The following MTUS2 variants were observed in gnomAD, a reference collection of about 807,000 sequenced individuals.
MTUS2 encodes the protein microtubule associated scaffold protein 2.
A neutral mutation model predicts 114.1 loss-of-function variants in MTUS2; 40 were observed. That is an observed-to-expected ratio of 0.35 (90% CI 0.27 to 0.46). The LOEUF (loss-of-function observed/expected upper bound fraction) is 0.46, where lower values mean the gene tolerates loss of function less well. Ranked by LOEUF, MTUS2 falls within the 20% of genes least tolerant of loss-of-function variation. MTUS2 has a pLI of 1.00. For missense variants in MTUS2, 1,679 were observed against 1,705.4 expected (o/e 0.98, Z 0.27); for synonymous variants, 688 against 672.0 (o/e 1.02, Z -0.37).
chr13:29,463,237 C>T (rs1341571222), intron 9 of MTUS2, among the ~76,000 whole-genome samples: 1 of 152,158 alleles, frequency 6.6e-6, no homozygotes, highest in Non-Finnish European at 1.5e-5. Context: ...GAGCACACCC[C>T]TGCTGACACC....
At chr13:29,015,834 T>C (rs1886042093) in intron 2 of MTUS2, among the ~76,000 whole-genome samples, 1 of 152,178 alleles carries the variant, frequency 6.6e-6, no homozygotes, top group Non-Finnish European at 1.5e-5. Context: ...ACTCATTCCA[T>C]GTGTATAAAA....
intron 2 of MTUS2, among the ~76,000 whole-genome samples, chr13:28,876,601 A>G (rs562240191): frequency 6.6e-6 from 1 of 152,328 alleles, no homozygotes; most frequent in South Asian, 2.1e-4. Flanking sequence ...AAAAGTGTCC[A>G]TGAAAGTTAT....
chr13:29,216,049 G>T (rs530311582), intron 5 of MTUS2, among the ~76,000 whole-genome samples: 1 of 152,302 alleles, frequency 6.6e-6, no homozygotes, highest in Admixed American at 6.5e-5. Flanking sequence ...GACTGGGGCT[G>T]CCGCCTTTCT....
intron 5 of MTUS2, among the ~76,000 whole-genome samples, chr13:29,229,889 A>G (rs551931619): frequency 4.5e-4 from 69 of 152,320 alleles, no homozygotes; most frequent in Non-Finnish European, 2.9e-4. Context: ...ATGAATGAAG[A>G]CGACATCATC....
At chr13:29,246,883 T>C (rs1403029457) in intron 5 of MTUS2, among the ~76,000 whole-genome samples, 3 of 139,942 alleles carry the variant, frequency 2.1e-5, no homozygotes, top group Admixed American at 7.8e-5. Context: ...CCACCATCTT[T>C]CTTCACATAA....
intron 2 of MTUS2, among the ~76,000 whole-genome samples, chr13:28,988,715 A>G (rs1376330445): frequency 6.6e-6 from 1 of 152,206 alleles, no homozygotes; most frequent in Non-Finnish European, 1.5e-5. Context: ...ATTAATTATC[A>G]AATATTCAAA....
intron 5 of MTUS2, among the ~76,000 whole-genome samples, chr13:29,244,783 C>T (rs948953318): frequency 3.3e-5 from 5 of 150,486 alleles, no homozygotes; most frequent in African/African-American, 1.2e-4. Flanking sequence ...GGTGAAACCC[C>T]GTCTCTACTA....
At chr13:29,265,448 T>G (rs567196011) in intron 5 of MTUS2, among the ~76,000 whole-genome samples, 292 of 152,352 alleles carry the variant, frequency 1.9e-3, no homozygotes, top group African/African-American at 6.4e-3. Context: ...TCAACCAGTT[T>G]CAAAGCTGCT....
intron 2 of MTUS2, among the ~76,000 whole-genome samples, chr13:28,921,573 C>G (rs999770499): frequency 6.6e-5 from 10 of 152,186 alleles, no homozygotes; most frequent in Non-Finnish European, 1.3e-4. Context: ...TCTACTGTCT[C>G]TAAGCCCAGC....
chr13:29,189,929 G>A (rs1894378215), intron 5 of MTUS2, among the ~76,000 whole-genome samples: 1 of 152,200 alleles, frequency 6.6e-6, no homozygotes, highest in Non-Finnish European at 1.5e-5. Context: ...TAAATTAGGA[G>A]ATCATGAGGG....
chr13:29,012,608 C>T (rs7999783), intron 2 of MTUS2, among the ~76,000 whole-genome samples: 76,617 of 151,688 alleles, frequency 0.51, 19,521 homozygotes, highest in South Asian at 0.72. Context: ...GCGGGGTGGC[C>T]CACACCTGTA....
At chr13:29,144,511 G>A (rs1593524567) in intron 5 of MTUS2, among the ~76,000 whole-genome samples, 1 of 152,138 alleles carries the variant, frequency 6.6e-6, no homozygotes, top group South Asian at 2.1e-4. Context: ...TTACAGGAAT[G>A]AGCCACTGTG....
chr13:29,040,192 C>T (rs1887282074), intron 4 of MTUS2, among the ~76,000 whole-genome samples: 1 of 152,202 alleles, frequency 6.6e-6, no homozygotes. Flanking sequence ...TAGCTTAGCT[C>T]CCACTTATGC....
intron 5 of MTUS2, among the ~76,000 whole-genome samples, 178 bp downstream of exon 5, chr13:29,101,148 G>A (rs1890402671): frequency 6.6e-6 from 1 of 152,030 alleles, no homozygotes; most frequent in African/African-American, 2.4e-5. Flanking sequence ...CATCAGTTAT[G>A]GGGAGTTAGT....
chr13:29,457,803 A>G (rs1000993400), intron 9 of MTUS2, among the ~76,000 whole-genome samples: 18 of 151,988 alleles, frequency 1.2e-4, no homozygotes, highest in East Asian at 5.8e-4. Context: ...TCTTGCCAAC[A>G]TTTGTCAGTA....
At chr13:28,902,569 T>A (rs1013190696) in intron 2 of MTUS2, among the ~76,000 whole-genome samples, 13 of 151,886 alleles carry the variant, frequency 8.6e-5, no homozygotes, top group East Asian at 7.7e-4. Flanking sequence ...AAAAAAAAAA[T>A]TTTAACATTA....
intron 4 of MTUS2, among the ~76,000 whole-genome samples, chr13:29,036,075 C>CA (rs1409013155): frequency 6.9e-6 from 1 of 144,442 alleles, no homozygotes; most frequent in Non-Finnish European, 1.5e-5. Flanking sequence ...ACCCAAGAGA[C>CA]AGAGGCTACA....
At position 28,978,013 on chromosome 13, in the gene MTUS2, G is replaced by T. The variant is rs143967514; in HGVS notation, c.-242-46444G>T. ...GCCATGGTCACAAAGATAGAAAAATGACTTATAATTACAGTACTGCACAAA... is the reference window on the plus strand; with the variant it reads ...GCCATGGTCACAAAGATAGAAAAATTACTTATAATTACAGTACTGCACAAA... On this transcript the variant is annotated intron_variant, in intron 2 of 15. Coordinates refer to ENST00000612955, the MANE Select transcript of MTUS2 (RefSeq NM_001033602.4). Among the ~76,000 whole-genome samples, 157 of 152,226 alleles carry T rather than the reference G, an allele frequency of 1.0e-3. 1 individual carries two copies. The highest frequency in any genetic ancestry group is 1.9e-3 in the Non-Finnish European group (127 of 68,016).
intron 3 of MTUS2, among the ~76,000 whole-genome samples, chr13:29,031,270 G>GTGTGTGTGTGTGTGTGTGTGTGTGTT (rs1555287201): frequency 4.5e-5 from 1 of 22,402 alleles, no homozygotes; most frequent in Non-Finnish European, 1.3e-4. Context: ...GTGTGTGTGT[G>GTGTGTGTGTGTGTGTGTGTGTGTGTT]GTGTGTGTTC....
Sources: gnomAD v4.1 joint callset for allele counts (sites outside exome capture counted in the v4.1 genomes callset) on GRCh38, gnomAD v4.1.1 for gene constraint, MANE v1.5 for transcripts, NCBI Gene and HGNC (gene_info 2026-07-23, HGNC 2026-07-21) for gene names.